The following PAM variants were observed in gnomAD, a reference collection of about 807,000 sequenced individuals.
The protein encoded by PAM is peptidyl-glycine alpha-amidating monooxygenase.
Under a neutral mutation model 122.1 loss-of-function variants are expected in PAM, and 72 were observed. The ratio of observed to expected loss-of-function variants is 0.59; its 90% CI spans 0.49 to 0.72. The LOEUF is 0.72. Among genes scored for constraint, PAM ranks in the 30% least tolerant of loss-of-function variants. The pLI is 0.00. For synonymous variants in PAM, 389 were observed against 404.4 expected, an observed-to-expected ratio of 0.96 and a Z score of 0.46; for missense variants, 1,106 against 1,183.7, an observed-to-expected ratio of 0.93 and a Z score of 0.96.
intron 15 of PAM, among the ~76,000 whole-genome samples, chr5:102,977,668 A>G (rs199864866): frequency 4.3e-4 from 34 of 79,266 alleles, no homozygotes; most frequent in Admixed American, 1.1e-3. Context: ...GCACACACAC[A>G]CACACACACA....
At chr5:102,966,547 A>G (rs2241564) in intron 14 of PAM, among the ~76,000 whole-genome samples, 43,588 of 152,032 alleles carry the variant, frequency 0.29, 6,538 homozygotes, top group East Asian at 0.43. Flanking sequence ...TTATTTCTCT[A>G]AGGCTAGAGA....
chr5:102,965,454 G>A (rs542760304), intron 14 of PAM, among the ~76,000 whole-genome samples: 7 of 151,784 alleles, frequency 4.6e-5, no homozygotes, highest in African/African-American at 1.4e-4. Flanking sequence ...TCAAAGTCTA[G>A]ATGTAGTGTT....
In PAM at chr5:102,974,367, G is replaced by T; in HGVS notation, c.1414G>T (p.Glu472Ter). Residue 472 changes from glutamate to a stop codon, truncating the protein, a stop_gained, in exon 15 of 26, where the codon GAG (glutamate) becomes TAG (stop). Transcript: ENST00000438793. LOFTEE classifies it high-confidence loss of function. ...HRLVSTLRPP[E>*]SRVFSLQQPP... ...ACTAGTATCTACCTTGAGGCCACCA[G>T]AGAGCAGAGTTTTCTCATTACAGCA... 1 of 1,614,096 alleles carries T rather than the reference G, an allele frequency of 6.2e-7. No individual in the cohort carries two copies. The highest frequency in any genetic ancestry group is 2.2e-5 in the East Asian group (1 of 44,882).
intron 12 of PAM, among the ~76,000 whole-genome samples, chr5:102,953,934 A>T (rs1759835431): frequency 1.3e-5 from 2 of 152,100 alleles, no homozygotes; most frequent in Admixed American, 1.3e-4. Context: ...AATCGCTTGA[A>T]CCTGGAAGGA....
chr5:102,780,224 T>C (rs950131018), intron 1 of PAM, among the ~76,000 whole-genome samples: 1 of 152,028 alleles, frequency 6.6e-6, no homozygotes, highest in Non-Finnish European at 1.5e-5. Context: ...GATTCAGCAC[T>C]ATCCACAGTT....
intron 1 of PAM, among the ~76,000 whole-genome samples, chr5:102,848,433 C>A (rs1321744253): frequency 6.6e-6 from 1 of 152,178 alleles, no homozygotes; most frequent in East Asian, 1.9e-4. Flanking sequence ...CCCTGGATAA[C>A]TGAAAAGCCT....
rs147065045 is a variant in PAM, at chr5:102,779,918, T to TATGTATATATATATATACACACAC, written c.-374+24571_-374+24572insTGTATATATATATATACACACACA. 4.2e-5 allele frequency among the ~76,000 whole-genome samples: 4 copies of TATGTATATATATATATACACACAC among 95,704 alleles called. No individual in the cohort carries two copies. In the East Asian group the frequency reaches 1.4e-3, roughly 34 times the overall value. The allele number at this position is 95,704 out of a possible 152,430, so 62.8% of individuals were successfully genotyped here. A position where few individuals can be genotyped will look rare whatever the true frequency, so the allele number is the denominator to read the frequency against. The stretch of plus-strand genomic sequence containing the variant: ...ATATATATATATATATATATATATA[T>TATGTATATATATATATACACACAC]ACACACATATATATATGTATATATC... On this transcript the variant is annotated intron_variant, in intron 1 of 25. Transcript: ENST00000438793.
rs187560698 is a variant in PAM at position 102,961,176 on chromosome 5, A to C, written c.1109A>C (p.Lys370Thr). The change falls in exon 14 of 26, where the codon AAG becomes ACG. Residue 370 changes from lysine (K) to threonine (T), a missense_variant. Coordinates refer to ENST00000438793, the MANE Select transcript of PAM (RefSeq NM_001177306.2). ...TTTACAGAAACAGAATATAAAGATA[A>C]GATTCCTTTACTACAGCAGCCAAAA... ...EHHKETEYKD[K>T]IPLLQQPKRE... 11 of 1,571,936 alleles carry C rather than the reference A, an allele frequency of 7.0e-6. No homozygotes were observed. In the East Asian group the frequency reaches 2.5e-4, roughly 35 times the overall value.
chr5:102,830,223 C>T (rs1235303746), intron 1 of PAM, among the ~76,000 whole-genome samples: 3 of 152,142 alleles, frequency 2.0e-5, no homozygotes, highest in Non-Finnish European at 4.4e-5. Flanking sequence ...CATTGCGTCC[C>T]CATTTTCTCA....
intron 16 of PAM, among the ~76,000 whole-genome samples, chr5:102,999,237 G>C (rs1042126744): frequency 1.3e-5 from 2 of 152,146 alleles, no homozygotes; most frequent in Non-Finnish European, 2.9e-5. Flanking sequence ...GAATCCAGCG[G>C]GGCAGTCAAA....
At chr5:102,812,310 A>C (rs1768161019) in intron 1 of PAM, among the ~76,000 whole-genome samples, 1 of 152,196 alleles carries the variant, frequency 6.6e-6, no homozygotes, top group African/African-American at 2.4e-5. Flanking sequence ...GCCAAATGAT[A>C]GCACATGGGT....
chr5:102,760,977 T>C (rs1162420210), intron 1 of PAM, among the ~76,000 whole-genome samples: 1 of 152,168 alleles, frequency 6.6e-6, no homozygotes, highest in Non-Finnish European at 1.5e-5. Flanking sequence ...CCAAAGGAGA[T>C]TGAACTGCTG....
intron 21 of PAM, among the ~76,000 whole-genome samples, chr5:103,013,690 C>T (rs1781250888): frequency 6.6e-6 from 1 of 151,994 alleles, no homozygotes; most frequent in African/African-American, 2.4e-5. Flanking sequence ...AAATTTTATT[C>T]CAGAGATATG....
At chr5:102,931,359 G>A (rs1381212726) in intron 7 of PAM, among the ~76,000 whole-genome samples, 1 of 152,138 alleles carries the variant, frequency 6.6e-6, no homozygotes, top group Admixed American at 6.6e-5. Context: ...TAAACTGCAA[G>A]ACCAACTTCC....
At chr5:102,797,841 C>CCTA (rs926263312) in intron 1 of PAM, among the ~76,000 whole-genome samples, 5 of 152,044 alleles carry the variant, frequency 3.3e-5, no homozygotes, top group South Asian at 2.1e-4. Flanking sequence ...GGCCATTGTT[C>CCTA]CTACTACTAC....
chr5:102,792,961 C>G (rs993951910), intron 1 of PAM, among the ~76,000 whole-genome samples: 7 of 152,070 alleles, frequency 4.6e-5, no homozygotes, highest in African/African-American at 1.4e-4. Flanking sequence ...GATCAAGTAA[C>G]ATTGGAATAA....
intron 3 of PAM, among the ~76,000 whole-genome samples, chr5:102,884,816 T>C: frequency 6.6e-6 from 1 of 151,888 alleles, no homozygotes; most frequent in East Asian, 1.9e-4. Flanking sequence ...ATTAGAGAAA[T>C]GGCTCTGTCT....
At chr5:102,830,755 G>T (rs1775203892) in intron 1 of PAM, among the ~76,000 whole-genome samples, 1 of 152,192 alleles carries the variant, frequency 6.6e-6, no homozygotes, top group Admixed American at 6.5e-5. Flanking sequence ...CTGGTATGCT[G>T]TCTAGATTGC....
intron 7 of PAM, among the ~76,000 whole-genome samples, chr5:102,944,324 C>G (rs1459008658): frequency 6.6e-6 from 1 of 152,044 alleles, no homozygotes; most frequent in African/African-American, 2.4e-5. Flanking sequence ...GTTCAGTTCT[C>G]TGTAAATACA....
Sources: gnomAD v4.1 joint callset for allele counts (sites outside exome capture counted in the v4.1 genomes callset) on GRCh38, gnomAD v4.1.1 for gene constraint, MANE v1.5 for transcripts, NCBI Gene and HGNC (gene_info 2026-07-23, HGNC 2026-07-21) for gene names.